B4GALT1: variants seen among roughly 807,000 people sequenced by gnomAD.
The protein encoded by B4GALT1 is N-acetyllactosamine synthase.
In B4GALT1, 16 loss-of-function variants were observed where a neutral mutation model predicts 34.9. The observed-to-expected ratio is 0.46, with a 90% CI of 0.31 to 0.70. B4GALT1 has a LOEUF of 0.70. Among genes scored for constraint, B4GALT1 ranks in the 30% least tolerant of loss-of-function variants. The pLI is 0.05. For missense variants in B4GALT1, 445 were observed against 530.5 expected, an observed-to-expected ratio of 0.84 and a Z score of 1.58; for synonymous variants, 221 against 218.1, an observed-to-expected ratio of 1.01 and a Z score of -0.12.
chr9:33,145,144 G>C (rs906513871), intron 1 of B4GALT1, among the ~76,000 whole-genome samples: 2 of 152,076 alleles, frequency 1.3e-5, no homozygotes, highest in African/African-American at 4.8e-5. Flanking sequence ...TGCCACATGA[G>C]GCCTTTTGTT....
chr9:33,174,938 G>A, the B4GALT1 span, among the ~76,000 whole-genome samples: 111 of 116,604 alleles, frequency 9.5e-4, no homozygotes, highest in African/African-American at 3.3e-3. Flanking sequence ...TAGCCTGGGC[G>A]ACAGAGCAAG....
At chr9:33,114,834 A>C (rs1839916543) in intron 4 of B4GALT1, among the ~76,000 whole-genome samples, 1 of 152,068 alleles carries the variant, frequency 6.6e-6, no homozygotes, top group African/African-American at 2.4e-5. Context: ...ATCTTTCAAG[A>C]AAGTTGCTCC....
chr9:33,173,865 T>C, the B4GALT1 span, among the ~76,000 whole-genome samples: 1 of 152,110 alleles, frequency 6.6e-6, no homozygotes. Flanking sequence ...AGAAATCAGT[T>C]TGAAGGGGCT....
At chr9:33,163,987 GC>G (rs1236838907) in intron 1 of B4GALT1, among the ~76,000 whole-genome samples, 1 of 152,084 alleles carries the variant, frequency 6.6e-6, no homozygotes, top group East Asian at 1.9e-4. Context: ...CCTGCAGCCT[GC>G]CCCAGGTCAC....
At chr9:33,126,882 G>A (rs898161482) in intron 2 of B4GALT1, among the ~76,000 whole-genome samples, 3 of 152,174 alleles carry the variant, frequency 2.0e-5, no homozygotes, top group Non-Finnish European at 2.9e-5. Context: ...AGAGAGAACT[G>A]AGCTCCTTGA....
intron 3 of B4GALT1, among the ~76,000 whole-genome samples, chr9:33,116,719 C>T (rs1839945194): frequency 6.6e-6 from 1 of 151,830 alleles, no homozygotes; most frequent in Non-Finnish European, 1.5e-5. Context: ...GATGGGGTTT[C>T]ACCATATTGG....
the B4GALT1 span, among the ~76,000 whole-genome samples, chr9:33,183,343 A>G: frequency 6.6e-6 from 1 of 151,290 alleles, no homozygotes; most frequent in African/African-American, 2.4e-5. Context: ...ACGTATGTTT[A>G]TTGCGGCACT....
chr9:33,182,569 T>C, the B4GALT1 span, among the ~76,000 whole-genome samples: 2 of 152,184 alleles, frequency 1.3e-5, no homozygotes, highest in African/African-American at 2.4e-5. Flanking sequence ...TCCTCCCTTT[T>C]TTCCCCCCAT....
chr9:33,170,468 T>A (rs1006683784), upstream of B4GALT1, among the ~76,000 whole-genome samples: 1 of 152,144 alleles, frequency 6.6e-6, no homozygotes, highest in Admixed American at 6.6e-5. Context: ...GTCAGATTAG[T>A]CCTGCAACTG....
At chr9:33,183,543 G>T in the B4GALT1 span, among the ~76,000 whole-genome samples, 2 of 132,486 alleles carry the variant, frequency 1.5e-5, no homozygotes, top group Admixed American at 1.5e-4. Context: ...AACAAAAAAC[G>T]AAACACCGCA....
chr9:33,166,942 C>G lies in B4GALT1; in HGVS notation c.228G>C (p.Glu76Asp), dbSNP rs1346459568. 6.4e-7 allele frequency: 1 copy of G among 1,572,928 alleles called. No homozygotes were observed. Among genetic ancestry groups the G allele is most frequent in the Non-Finnish European group, 8.6e-7 (1 of 1,166,558 alleles). Residue 76 changes from glutamate (E) to aspartate (D), a missense_variant, in exon 1 of 6, where the codon GAG (glutamate) becomes GAC (aspartate). Glu to Asp is a conservative substitution (Grantham distance 45, BLOSUM62 2). This residue lies in a region of B4GALT1 where 349 missense variants were observed against 395.5 expected (regional missense o/e 0.88). Transcript: ENST00000379731. Reference protein sequence around the residue: ...SAAAIGQSSGELRTGGARPPP... With the variant: ...SAAAIGQSSGDLRTGGARPPP... ...GCGGCCGGGCCCCTCCGGTCCGGAG[C>G]TCCCCGGAGGACTGCCCGATGGCGG... is the stretch of plus-strand genomic sequence containing the variant.
At chr9:33,151,918 G>T (rs1452446177) in intron 1 of B4GALT1, among the ~76,000 whole-genome samples, 3 of 152,186 alleles carry the variant, frequency 2.0e-5, no homozygotes, top group Non-Finnish European at 2.9e-5. Context: ...CAACTTAGAA[G>T]AAAACTCAGG....
intron 1 of B4GALT1, among the ~76,000 whole-genome samples, chr9:33,164,091 G>A (rs1840714391): frequency 6.6e-6 from 1 of 152,172 alleles, no homozygotes; most frequent in Non-Finnish European, 1.5e-5. Context: ...ATGTCCTCCA[G>A]GGAAGGGTTT....
At chr9:33,126,661 C>CTATTGTT in intron 2 of B4GALT1, among the ~76,000 whole-genome samples, 1 of 37,112 alleles carries the variant, frequency 2.7e-5, no homozygotes, top group South Asian at 9.7e-4. Flanking sequence ...TTAACCATAG[C>CTATTGTT]AATATGGTAG....
At chr9:33,114,056 C>A (rs1015899023) in intron 4 of B4GALT1, among the ~76,000 whole-genome samples, 178 bp from the exon 5 acceptor site, 1 of 152,222 alleles carries the variant, frequency 6.6e-6, no homozygotes, top group East Asian at 1.9e-4. Flanking sequence ...CACATTCCGA[C>A]TCCATGTCCT....
At chr9:33,172,616 G>A in the B4GALT1 span, among the ~76,000 whole-genome samples, 24 of 152,282 alleles carry the variant, frequency 1.6e-4, no homozygotes, top group African/African-American at 4.8e-4. Flanking sequence ...CAGTTTCACA[G>A]GTATATTCCT....
chr9:33,176,823 G>C, the B4GALT1 span, among the ~76,000 whole-genome samples: 6 of 124,308 alleles, frequency 4.8e-5, no homozygotes, highest in Admixed American at 5.1e-4. Context: ...ACCTGTACAC[G>C]TACCCCCAAA....
rs1399251225 is a variant in B4GALT1 at position 33,158,135 on chromosome 9, G to A, written c.412+8623C>T. Among the ~76,000 whole-genome samples, 3 of 152,176 alleles carry A rather than the reference G, an allele frequency of 2.0e-5. No individual in the cohort carries two copies. The East Asian group carries it at 5.8e-4, about 29-fold the overall frequency. ...TACAACCAGGTTTTCCCCCCCACTC[G>A]CCAAACTGGAATCTAGGAGGTAGAG... On this transcript the variant is annotated intron_variant, in intron 1 of 5. Transcript: ENST00000379731.
chr9:33,105,880 G>GTTTTTTTTTTTTTTTTTTTTTT (rs35330697), downstream of B4GALT1, among the ~76,000 whole-genome samples: 5 of 85,750 alleles, frequency 5.8e-5, 1 homozygote, highest in African/African-American at 8.9e-5. Context: ...GGACTCGTGG[G>GTTTTTTTTTTTTTTTTTTTTTT]TTTTTTTTTT....
Sources: allele counts gnomAD v4.1 joint callset (sites outside exome capture counted in the v4.1 genomes callset), GRCh38; gene constraint gnomAD v4.1.1; regional missense constraint gnomAD v4.1.1; transcripts MANE v1.5; gene names NCBI Gene and HGNC (gene_info 2026-07-23, HGNC 2026-07-21).